NCAM2: variants seen among roughly 807,000 people sequenced by gnomAD.
The protein encoded by NCAM2 is neural cell adhesion molecule 2, also known as N-CAM-2.
NCAM2 carries 30 observed loss-of-function variants against 98.1 expected under a neutral mutation model. The observed-to-expected ratio is 0.31, with a 90% CI of 0.23 to 0.41. The LOEUF is 0.41. Ranked by LOEUF, NCAM2 falls within the 10% of genes least tolerant of loss-of-function variation. The pLI, the probability that NCAM2 is intolerant of heterozygous loss-of-function variation, is 1.00. For missense variants in NCAM2, 867 were observed against 1,005.8 expected, an observed-to-expected ratio of 0.86 and a Z score of 1.87; for synonymous variants, 368 against 342.4, an observed-to-expected ratio of 1.07 and a Z score of -0.83.
chr21:21,139,575 A>G (rs2067125920), intron 1 of NCAM2, among the ~76,000 whole-genome samples: 2 of 152,188 alleles, frequency 1.3e-5, no homozygotes, highest in Non-Finnish European at 2.9e-5. Flanking sequence ...CAGTCTATAG[A>G]TATTTTATCT....
intron 9 of NCAM2, among the ~76,000 whole-genome samples, chr21:21,383,183 A>T (rs1053718339): frequency 1.3e-5 from 2 of 151,894 alleles, no homozygotes; most frequent in African/African-American, 2.4e-5. Context: ...ATATGTGGGG[A>T]TTTTATTTTT....
At chr21:21,265,176 TG>T (rs2072174434) in intron 1 of NCAM2, among the ~76,000 whole-genome samples, 1 of 125,196 alleles carries the variant, frequency 8.0e-6, no homozygotes, top group Admixed American at 9.0e-5. Flanking sequence ...ATATTATATA[TG>T]TATATATAAT....
At position 21,139,769 on chromosome 21, in the gene NCAM2, A is replaced by G. The variant is rs187644160; in HGVS notation, c.56-140809A>G. Among the ~76,000 whole-genome samples, 639 of 111,802 alleles carry G rather than the reference A, an allele frequency of 5.7e-3. 5 individuals carry two copies. Among genetic ancestry groups the G allele is most frequent in the Middle Eastern group, 0.023 (4 of 172 alleles). 73.3% of individuals were successfully genotyped at this position (111,802 alleles called of 152,430 possible). A position where few individuals can be genotyped will look rare whatever the true frequency, so the allele number is the denominator to read the frequency against. On this transcript the variant is annotated intron_variant, in intron 1 of 17. Coordinates refer to ENST00000400546, the MANE Select transcript of NCAM2 (RefSeq NM_004540.5). Reference sequence around the variant, plus strand: ...TACATACACATACTTATGTGAAAATATTTTAAACATCAATGTATGAATAGT... The same window carrying G: ...TACATACACATACTTATGTGAAAATGTTTTAAACATCAATGTATGAATAGT...
At chr21:21,327,907 A>G (rs2074562442) in intron 6 of NCAM2, among the ~76,000 whole-genome samples, 1 of 152,202 alleles carries the variant, frequency 6.6e-6, no homozygotes. Flanking sequence ...TGACATGTAA[A>G]TCCAAGAGGG....
intron 1 of NCAM2, among the ~76,000 whole-genome samples, chr21:21,017,325 C>T (rs539993503): frequency 2.1e-5 from 3 of 140,460 alleles, no homozygotes; most frequent in Admixed American, 7.8e-5. Context: ...ACTTGGGAGG[C>T]TGAGGCAGGA....
intron 16 of NCAM2, among the ~76,000 whole-genome samples, chr21:21,518,822 T>A (rs948613440): frequency 1.1e-4 from 17 of 151,676 alleles, no homozygotes; most frequent in Admixed American, 2.6e-4. Context: ...TCACATGGAG[T>A]TCAAGTTATT....
At chr21:21,257,354 C>G (rs2071712991) in intron 1 of NCAM2, among the ~76,000 whole-genome samples, 1 of 152,108 alleles carries the variant, frequency 6.6e-6, no homozygotes, top group South Asian at 2.1e-4. Flanking sequence ...ATGATTTTAT[C>G]CCCCATTCTG....
intron 16 of NCAM2, among the ~76,000 whole-genome samples, chr21:21,525,018 T>G (rs1321043266): frequency 6.6e-6 from 1 of 152,046 alleles, no homozygotes; most frequent in African/African-American, 2.4e-5. Context: ...AACCAATGTT[T>G]AGAGGGAAAT....
At chr21:21,126,880 G>T (rs1004305578) in intron 1 of NCAM2, among the ~76,000 whole-genome samples, 2 of 151,864 alleles carry the variant, frequency 1.3e-5, no homozygotes, top group African/African-American at 2.4e-5. Flanking sequence ...GTTAAAAAAC[G>T]TTGATGCTAA....
At chr21:21,178,957 T>C (rs1601579863) in intron 1 of NCAM2, among the ~76,000 whole-genome samples, 1 of 152,170 alleles carries the variant, frequency 6.6e-6, no homozygotes, top group East Asian at 1.9e-4. Flanking sequence ...TACAAGTCCA[T>C]GAATTACTGA....
intron 1 of NCAM2, among the ~76,000 whole-genome samples, chr21:21,268,213 G>A (rs2072358302): frequency 6.6e-6 from 1 of 152,148 alleles, no homozygotes; most frequent in Non-Finnish European, 1.5e-5. Context: ...TCAGCTCCAT[G>A]TTCCATCCCA....
At chr21:21,288,966 G>A (rs989796956) in intron 4 of NCAM2, among the ~76,000 whole-genome samples, 9 of 151,954 alleles carry the variant, frequency 5.9e-5, no homozygotes, top group Middle Eastern at 3.4e-3. Flanking sequence ...AAGGAGATCC[G>A]TATGCTAAAG....
chr21:21,314,351 G>A (rs920042803), intron 5 of NCAM2, among the ~76,000 whole-genome samples: 2 of 151,908 alleles, frequency 1.3e-5, no homozygotes, highest in Non-Finnish European at 2.9e-5. Context: ...ATGATTTCTG[G>A]TCAAAAAATT....
Position 21,320,326 on chromosome 21 carries a change from A to G in NCAM2, c.620-4057A>G, listed in dbSNP as rs577719765. 7.9e-5 allele frequency among the ~76,000 whole-genome samples: 12 copies of G among 152,324 alleles called. No individual in the cohort carries two copies. In the South Asian group the frequency reaches 2.5e-3, roughly 32 times the overall value. ...TATTTAGTTTATAGTAATCAGGAAG[A>G]TAGACTTTTTTTTTCCAAACGAAAT... On this transcript the variant is annotated intron_variant, in intron 5 of 17. Transcript: ENST00000400546.
chr21:21,278,121 G>T (rs1601846345), intron 1 of NCAM2, among the ~76,000 whole-genome samples: 1 of 151,936 alleles, frequency 6.6e-6, no homozygotes, highest in Non-Finnish European at 1.5e-5. Context: ...AGAAAGTAAA[G>T]GGAAGAAAGA....
At chr21:21,440,676 A>G (rs1979109451) in intron 12 of NCAM2, among the ~76,000 whole-genome samples, 1 of 149,996 alleles carries the variant, frequency 6.7e-6, no homozygotes, top group Non-Finnish European at 1.5e-5. Flanking sequence ...AGGAAATCCT[A>G]CAACAGCAAC....
Position 21,539,855 on chromosome 21 carries a change from A to G in NCAM2, c.*1898A>G, listed in dbSNP as rs1276477870. On this transcript the variant is annotated 3_prime_UTR_variant, in exon 18 of 18. Coordinates refer to ENST00000400546, the MANE Select transcript of NCAM2 (RefSeq NM_004540.5). ...TGGTCTTTGACAGATTTGACTGTTC[A>G]TATTTAGTTTATGTTTGTCTGATCA... The G allele has an allele frequency of 6.6e-6, 1 of 152,160 alleles. No homozygotes were observed. The highest frequency in any genetic ancestry group is 1.9e-4 in the East Asian group (1 of 5,192). The allele number at this position is 152,160 out of a possible 1,614,324, so 9.4% of individuals were successfully genotyped here. A position where few individuals can be genotyped will look rare whatever the true frequency, so the allele number is the denominator to read the frequency against.
intron 12 of NCAM2, among the ~76,000 whole-genome samples, chr21:21,440,749 AG>A (rs1979135469): frequency 6.6e-6 from 1 of 152,086 alleles, no homozygotes; most frequent in Non-Finnish European, 1.5e-5. Context: ...AAAAAAGAAA[AG>A]AAAAAAATGG....
chr21:21,215,300 A>G (rs1462172748), intron 1 of NCAM2, among the ~76,000 whole-genome samples: 1 of 152,240 alleles, frequency 6.6e-6, no homozygotes, highest in East Asian at 1.9e-4. Flanking sequence ...GAACACAGTC[A>G]TAGAGATGTT....
Sources: gnomAD v4.1 joint callset for allele counts (sites outside exome capture counted in the v4.1 genomes callset) on GRCh38, gnomAD v4.1.1 for gene constraint, MANE v1.5 for transcripts, NCBI Gene and HGNC (gene_info 2026-07-23, HGNC 2026-07-21) for gene names.